The following OR51B5 variants were observed in gnomAD, a reference collection of about 807,000 sequenced individuals.
OR51B5 encodes the protein olfactory receptor family 51 subfamily B member 5.
For missense variants in OR51B5, 456 were observed against 374.6 expected (o/e 1.22, Z -1.79); for synonymous variants, 186 against 144.8 (o/e 1.28, Z -2.04).
chr11:5,478,055 G>A (rs1590019723), intron 1 of OR51B5, among the ~76,000 whole-genome samples: 1 of 151,860 alleles, frequency 6.6e-6, no homozygotes, highest in South Asian at 2.1e-4. Context: ...ACCTCTGGGG[G>A]CAGGGCACAG....
At position 5,354,278 on chromosome 11, in the gene OR51B5, AG is replaced by A. The variant is rs772410158; in HGVS notation, n.85-7369del. Among the ~76,000 whole-genome samples, 48 of 152,326 alleles carry A rather than the reference AG, an allele frequency of 3.2e-4. 1 individual carries two copies. The highest frequency in any genetic ancestry group is 6.2e-4 in the Non-Finnish European group (42 of 68,034). On this transcript the variant is annotated intron_variant and non_coding_transcript_variant, in intron 1 of 4. Coordinates refer to the OR51B5 transcript ENST00000415970. ...TTCAGGGGGATCTAAGCCACATCAA[AG>A]AAAATCTTTCTTGACTCACCCTCTA...
intron 1 of OR51B5, among the ~76,000 whole-genome samples, chr11:5,371,848 A>G (rs1849453202): frequency 6.6e-6 from 1 of 152,114 alleles, no homozygotes; most frequent in African/African-American, 2.4e-5. Flanking sequence ...CTAGATCTCT[A>G]AACTTATTTA....
chr11:5,381,408 C>A (rs959936949), intron 1 of OR51B5, among the ~76,000 whole-genome samples: 8 of 152,202 alleles, frequency 5.3e-5, no homozygotes, highest in African/African-American at 1.9e-4. Context: ...TGATTACCCA[C>A]AGTGATAGAG....
intron 1 of OR51B5, among the ~76,000 whole-genome samples, chr11:5,370,925 G>A (rs368611415): frequency 2.0e-5 from 3 of 152,196 alleles, no homozygotes; most frequent in African/African-American, 7.2e-5. Context: ...TGCCATAGTG[G>A]TATTGGTCCT....
At chr11:5,340,874 G>GCTC (rs1848882420), downstream of OR51B5, 1 of 152,166 alleles carries the variant, frequency 6.6e-6, no homozygotes, top group African/African-American at 2.4e-5. Flanking sequence ...AGTTGTGGAT[G>GCTC]TAGTAGAGCA....
chr11:5,373,313 A>AT (rs1564926168), intron 1 of OR51B5, among the ~76,000 whole-genome samples: 2 of 152,208 alleles, frequency 1.3e-5, no homozygotes, highest in South Asian at 4.2e-4. Context: ...ATATTGATCG[A>AT]TTTTTTCTTT....
chr11:5,444,971 A>AC (rs992476705), intron 1 of OR51B5, among the ~76,000 whole-genome samples: 6 of 152,150 alleles, frequency 3.9e-5, no homozygotes, highest in Admixed American at 3.9e-4. Context: ...CTTCACAGAT[A>AC]CCCCCTTAGA....
Position 5,388,967 on chromosome 11 carries a change from G to A in OR51B5, n.85-42057C>T, listed in dbSNP as rs530266134. On this transcript the variant is annotated intron_variant and non_coding_transcript_variant, in intron 1 of 4. Coordinates refer to the OR51B5 transcript ENST00000415970. Reference sequence around the variant, plus strand: ...ACTTGAGCCACTGAGATAATGAAAAGTACAGATGTTGCTAGAGTCTGGAAA... The same window carrying A: ...ACTTGAGCCACTGAGATAATGAAAAATACAGATGTTGCTAGAGTCTGGAAA... Among the ~76,000 whole-genome samples, 3 of 152,230 alleles carry A rather than the reference G, an allele frequency of 2.0e-5. No homozygotes were observed. In the South Asian group the frequency reaches 6.2e-4, roughly 32 times the overall value.
chr11:5,424,113 A>C (rs1314664810), intron 1 of OR51B5, among the ~76,000 whole-genome samples: 1 of 152,200 alleles, frequency 6.6e-6, no homozygotes, highest in Non-Finnish European at 1.5e-5. Context: ...AAATTTGATC[A>C]CAGCTTCTGA....
chr11:5,464,498 CATT>C (rs1803121263), intron 1 of OR51B5, among the ~76,000 whole-genome samples: 1 of 138,182 alleles, frequency 7.2e-6, no homozygotes, highest in Admixed American at 8.1e-5. Flanking sequence ...CATGTGATCT[CATT>C]GTTCAGTTCC....
chr11:5,434,240 TAC>T (rs1208647172), intron 1 of OR51B5, among the ~76,000 whole-genome samples: 4 of 152,178 alleles, frequency 2.6e-5, no homozygotes, highest in African/African-American at 9.7e-5. Context: ...CCAGCCCCTT[TAC>T]AGTGACAGCA....
intron 1 of OR51B5, among the ~76,000 whole-genome samples, chr11:5,473,075 T>G (rs999119305): frequency 2.0e-5 from 3 of 152,228 alleles, no homozygotes; most frequent in African/African-American, 7.2e-5. Context: ...AGAAAATTAG[T>G]TGATATGTTC....
chr11:5,346,256 A>G (rs980264220), upstream of OR51B5: 3 of 152,198 alleles, frequency 2.0e-5, no homozygotes, highest in Non-Finnish European at 4.4e-5. Flanking sequence ...TTCCATGCAG[A>G]CATACCTGGT....
chr11:5,452,592 G>A (rs2133786064), intron 1 of OR51B5, among the ~76,000 whole-genome samples: 1 of 39,898 alleles, frequency 2.5e-5, no homozygotes, highest in South Asian at 5.8e-4. Flanking sequence ...GCGACTTTAC[G>A]AGATATGGAG....
chr11:5,482,729 T>G (rs1169349763), intron 1 of OR51B5, among the ~76,000 whole-genome samples: 1 of 79,712 alleles, frequency 1.3e-5, no homozygotes, highest in African/African-American at 5.5e-5. Flanking sequence ...AAGAAGACAT[T>G]TATGCAGCCA....
At chr11:5,398,066 G>A (rs1849907468) in intron 1 of OR51B5, among the ~76,000 whole-genome samples, 1 of 152,130 alleles carries the variant, frequency 6.6e-6, no homozygotes, top group African/African-American at 2.4e-5. Flanking sequence ...TGGGAGGAGG[G>A]GGCAGGGATA....
intron 1 of OR51B5, among the ~76,000 whole-genome samples, chr11:5,404,186 G>A (rs192491768): frequency 0.014 from 2,159 of 149,896 alleles, 51 homozygotes; most frequent in African/African-American, 0.046. Flanking sequence ...GGCGGGGGGC[G>A]GAACTTGAAG....
At chr11:5,449,582 C>G (rs11037476) in intron 1 of OR51B5, among the ~76,000 whole-genome samples, 3,646 of 152,242 alleles carry the variant, frequency 0.024, 165 homozygotes, top group East Asian at 0.2. Flanking sequence ...TGTATAACCC[C>G]AAGCGATTCA....
intron 1 of OR51B5, among the ~76,000 whole-genome samples, chr11:5,460,290 T>C (rs79680359): frequency 0.018 from 2,699 of 152,220 alleles, 87 homozygotes; most frequent in African/African-American, 0.061. Flanking sequence ...AACTATTGGG[T>C]ACTAGGCATA....
Sources: gnomAD v4.1 joint callset for allele counts (sites outside exome capture counted in the v4.1 genomes callset) on GRCh38, gnomAD v4.1.1 for gene constraint, MANE v1.5 for transcripts, NCBI Gene and HGNC (gene_info 2026-07-23, HGNC 2026-07-21) for gene names.